KCNIP3: variants seen among roughly 807,000 people sequenced by gnomAD.
KCNIP3 encodes calsenilin.
In KCNIP3, 28 loss-of-function variants were observed where a neutral mutation model predicts 35.0. The ratio of observed to expected loss-of-function variants is 0.80; its 90% CI spans 0.59 to 1.10. The LOEUF (loss-of-function observed/expected upper bound fraction) is 1.10. Among genes scored for constraint, KCNIP3 ranks in the 50% least tolerant of loss-of-function variants. The pLI, the probability that KCNIP3 is intolerant of heterozygous loss-of-function variation, is 0.00. For missense variants in KCNIP3, 295 were observed against 338.4 expected (o/e 0.87, Z 1.01); for synonymous variants, 134 against 133.8 (o/e 1.00, Z -0.01).
intron 2 of KCNIP3, among the ~76,000 whole-genome samples, chr2:95,355,483 T>G (rs1679634259): frequency 6.6e-6 from 1 of 152,186 alleles, no homozygotes; most frequent in African/African-American, 2.4e-5. Context: ...CGCCTAATGC[T>G]ATCCCTCCTC....
intron 2 of KCNIP3, among the ~76,000 whole-genome samples, chr2:95,325,984 TAC>T (rs1017178263): frequency 3.0e-5 from 4 of 132,564 alleles, no homozygotes; most frequent in African/African-American, 8.7e-5. Flanking sequence ...CATACACTCC[TAC>T]ACACTCACAC....
rs554281178 is a variant in KCNIP3 at position 95,315,280 on chromosome 2, A to C, written c.181+4760A>C. 3.1e-4 allele frequency among the ~76,000 whole-genome samples: 47 copies of C among 152,272 alleles called. 1 individual carries two copies. The highest frequency in any genetic ancestry group is 1.1e-3 in the African/African-American group (45 of 41,552). On this transcript the variant is annotated intron_variant, in intron 2 of 8. Coordinates refer to ENST00000295225, the MANE Select transcript of KCNIP3 (RefSeq NM_013434.5). ...GGTGGCTGGCTGGGCACTGAACTGC[A>C]GCTGCAGCCTGATCGGCCCAGGGAG...
intron 2 of KCNIP3, among the ~76,000 whole-genome samples, chr2:95,330,782 G>A (rs1472050872): frequency 2.0e-5 from 3 of 152,346 alleles, no homozygotes; most frequent in South Asian, 2.1e-4. Flanking sequence ...TTGTGAAGCC[G>A]TGGGTCTCCT....
At chr2:95,318,751 G>T (rs577721971) in intron 2 of KCNIP3, among the ~76,000 whole-genome samples, 1 of 152,266 alleles carries the variant, frequency 6.6e-6, no homozygotes, top group Admixed American at 6.5e-5. Flanking sequence ...ACCCTGAAAG[G>T]AGTGAGCATC....
chr2:95,326,936 C>T (rs1467660901), intron 2 of KCNIP3, among the ~76,000 whole-genome samples: 2 of 152,210 alleles, frequency 1.3e-5, no homozygotes, highest in East Asian at 1.9e-4. Flanking sequence ...ACCTCATGGC[C>T]GCTCTCCTCA....
intron 2 of KCNIP3, 139 bp from the exon 3 acceptor site, chr2:95,374,157 A>G: frequency 9.2e-7 from 1 of 1,085,158 alleles, no homozygotes; most frequent in East Asian, 2.4e-5. Flanking sequence ...TGCAGTGCAC[A>G]GCCTGTGTGG....
At chr2:95,299,789 C>T (rs1179215282) in intron 1 of KCNIP3, among the ~76,000 whole-genome samples, 1 of 152,254 alleles carries the variant, frequency 6.6e-6, no homozygotes, top group Non-Finnish European at 1.5e-5. Context: ...CAAAAGACCC[C>T]AGGCTGCACT....
intron 1 of KCNIP3, among the ~76,000 whole-genome samples, chr2:95,302,054 T>C (rs1678047916): frequency 6.6e-6 from 1 of 152,080 alleles, no homozygotes; most frequent in East Asian, 1.9e-4. Flanking sequence ...AGCTTCCCCA[T>C]TCCATACCCT....
At chr2:95,339,505 A>G (rs975553472) in intron 2 of KCNIP3, among the ~76,000 whole-genome samples, 4 of 151,774 alleles carry the variant, frequency 2.6e-5, no homozygotes, top group Non-Finnish European at 4.4e-5. Context: ...AATCACTTGA[A>G]CTCAGGAGGC....
intron 1 of KCNIP3, among the ~76,000 whole-genome samples, 161 bp downstream of exon 1, chr2:95,297,614 G>C (rs1473466233): frequency 6.6e-6 from 1 of 151,988 alleles, no homozygotes; most frequent in Non-Finnish European, 1.5e-5. Context: ...GTCCTGGCTG[G>C]CGCTGGGGTG....
intron 2 of KCNIP3, among the ~76,000 whole-genome samples, chr2:95,366,229 T>A (rs1679915015): frequency 6.6e-6 from 1 of 152,188 alleles, no homozygotes. Context: ...CAGCCACTGA[T>A]CTGTTCTCTT....
intron 2 of KCNIP3, among the ~76,000 whole-genome samples, chr2:95,349,758 C>T (rs1679465203): frequency 6.6e-6 from 1 of 152,230 alleles, no homozygotes; most frequent in South Asian, 2.1e-4. Flanking sequence ...AATTAGGATT[C>T]CTCCTTCCCT....
intron 2 of KCNIP3, among the ~76,000 whole-genome samples, chr2:95,346,018 C>T (rs944211537): frequency 5.3e-5 from 8 of 152,266 alleles, no homozygotes; most frequent in African/African-American, 1.9e-4. Flanking sequence ...GCAGCAAAGT[C>T]AGCGACCAAG....
chr2:95,321,965 C>T (rs1365815316), intron 2 of KCNIP3, among the ~76,000 whole-genome samples: 2 of 152,162 alleles, frequency 1.3e-5, no homozygotes, highest in African/African-American at 4.8e-5. Context: ...GGCCACGTTT[C>T]CACTACTCTT....
chr2:95,373,414 G>GTT (rs70964869), intron 2 of KCNIP3, among the ~76,000 whole-genome samples: 8 of 60,020 alleles, frequency 1.3e-4, no homozygotes, highest in African/African-American at 2.7e-4. Context: ...CAAGTTTGTG[G>GTT]TTTTTTTTTT....
At chr2:95,344,745 G>T (rs1156928515) in intron 2 of KCNIP3, among the ~76,000 whole-genome samples, 2 of 152,152 alleles carry the variant, frequency 1.3e-5, no homozygotes, top group Non-Finnish European at 2.9e-5. Context: ...CATTGTAGGG[G>T]CCACTGGAGC....
chr2:95,313,933 A>ACACG (rs1491477465), intron 2 of KCNIP3: 1 of 151,716 alleles, frequency 6.6e-6, no homozygotes, highest in African/African-American at 2.4e-5. Flanking sequence ...ACACACACAC[A>ACACG]TACACACACA....
rs1280467106 is a variant in KCNIP3, at chr2:95,376,285, C to A, written c.447+1077C>A. Among the ~76,000 whole-genome samples the A allele has an allele frequency of 1.3e-5, 2 of 152,226 alleles. No individual in the cohort carries two copies. The highest frequency in any genetic ancestry group is 1.9e-4 in the East Asian group (1 of 5,186). ...GCCCTTTAAGAGGCACCTGACACTT[C>A]AGGCAGTAAAGCATCTTTAGGAAAC... On this transcript the variant is annotated intron_variant, in intron 5 of 8. Coordinates refer to ENST00000295225, the MANE Select transcript of KCNIP3 (RefSeq NM_013434.5). This position sits in a 1 kb window ranked among gnomAD's most constrained non-coding sequence, Gnocchi z 4.2.
At chr2:95,328,362 C>A (rs1204562952) in intron 2 of KCNIP3, among the ~76,000 whole-genome samples, 3 of 152,256 alleles carry the variant, frequency 2.0e-5, no homozygotes, top group African/African-American at 7.2e-5. Flanking sequence ...TGCTGCTCCA[C>A]ACACTGTCTG....
Sources: allele counts gnomAD v4.1 joint callset (sites outside exome capture counted in the v4.1 genomes callset), GRCh38; gene constraint gnomAD v4.1.1; non-coding constraint Gnocchi (gnomAD v3.1); transcripts MANE v1.5; gene names NCBI Gene and HGNC (gene_info 2026-07-23, HGNC 2026-07-21).